CACHD1: variants seen among roughly 807,000 people sequenced by gnomAD.
The protein encoded by CACHD1 is cache domain containing 1.
CACHD1 carries 71 observed loss-of-function variants against 138.7 expected under a neutral mutation model. The ratio of observed to expected loss-of-function variants is 0.51; its 90% CI spans 0.42 to 0.62. The LOEUF is 0.62. CACHD1 is among the 20% of genes least tolerant of loss of function. The pLI is 0.00. For synonymous variants in CACHD1, 578 were observed against 591.5 expected (o/e 0.98, Z 0.33); for missense variants, 1,389 against 1,625.3 (o/e 0.85, Z 2.50).
chr1:64,597,715 G>A (rs887978850), intron 3 of CACHD1, among the ~76,000 whole-genome samples: 2 of 151,730 alleles, frequency 1.3e-5, no homozygotes, highest in East Asian at 3.9e-4. Flanking sequence ...AAAAGCACAG[G>A]CATGAGGAAT....
At chr1:64,650,445 A>C (rs574493253) in intron 9 of CACHD1, among the ~76,000 whole-genome samples, 1 of 152,164 alleles carries the variant, frequency 6.6e-6, no homozygotes, top group South Asian at 2.1e-4. Flanking sequence ...CCTTCTCCAA[A>C]ATGCATTTCT....
chr1:64,634,716 G>C (rs184107314), intron 7 of CACHD1, among the ~76,000 whole-genome samples: 11 of 151,960 alleles, frequency 7.2e-5, no homozygotes, highest in Non-Finnish European at 1.6e-4. Context: ...GATTGGGGGC[G>C]AGGTGCGGTG....
chr1:64,663,971 T>C, intron 14 of CACHD1, 134 bp downstream of exon 14: 1 of 1,186,588 alleles, frequency 8.4e-7, no homozygotes, highest in Non-Finnish European at 1.2e-6. Flanking sequence ...GCAGAGTGTG[T>C]GGCCCAGGGG....
At chr1:64,511,061 C>T (rs1646416892) in intron 1 of CACHD1, among the ~76,000 whole-genome samples, 1 of 152,150 alleles carries the variant, frequency 6.6e-6, no homozygotes, top group East Asian at 1.9e-4. Flanking sequence ...CCTTTTAGAT[C>T]ATAGATATTT....
intron 1 of CACHD1, among the ~76,000 whole-genome samples, chr1:64,486,821 G>A (rs1646245984): frequency 6.6e-6 from 1 of 152,186 alleles, no homozygotes; most frequent in African/African-American, 2.4e-5. Context: ...TCTTATAAGA[G>A]GGAGATAAAT....
At chr1:64,517,065 A>G (rs1300614080) in intron 1 of CACHD1, among the ~76,000 whole-genome samples, 4 of 152,220 alleles carry the variant, frequency 2.6e-5, no homozygotes, top group Non-Finnish European at 5.9e-5. Context: ...GATGACATGA[A>G]GCGGGGAAAG....
At chr1:64,493,982 C>T (rs969411938) in intron 1 of CACHD1, among the ~76,000 whole-genome samples, 1 of 152,160 alleles carries the variant, frequency 6.6e-6, no homozygotes, top group Admixed American at 6.5e-5. Context: ...TCTCTGTCAC[C>T]GAATGGCAGA....
chr1:64,578,226 C>T (rs928318326), intron 2 of CACHD1, among the ~76,000 whole-genome samples: 2 of 152,204 alleles, frequency 1.3e-5, no homozygotes, highest in African/African-American at 4.8e-5. Context: ...ATGGCTCTTC[C>T]ACTTACTTTG....
rs1381499147 is a variant in CACHD1, at chr1:64,678,301, G to A, written c.3235G>A (p.Gly1079Arg). ...GAKSPYVDDM[G>R]AIGDEVITLN... is the part of the protein sequence containing the mutation. ...CAAAAGTCCCTACGTTGATGACATG[G>A]GAGCAATAGGTATGTTTGTTAGATG... The change falls in exon 23 of 27, where the codon GGA (glycine) becomes AGA (arginine). Residue 1079 changes from glycine to arginine, a missense_variant. By Grantham distance (125) the Gly-to-Arg change is moderately radical. Coordinates refer to ENST00000651257, the MANE Select transcript of CACHD1 (RefSeq NM_020925.4). 1.3e-6 allele frequency: 2 copies of A among 1,572,316 alleles called. No individual in the cohort carries two copies. The highest frequency in any genetic ancestry group is 1.7e-6 in the Non-Finnish European group (2 of 1,164,366).
At chr1:64,645,078 T>C (rs890897543) in intron 8 of CACHD1, among the ~76,000 whole-genome samples, 8 of 152,162 alleles carry the variant, frequency 5.3e-5, no homozygotes, top group African/African-American at 1.2e-4. Context: ...GCCTGGGCAA[T>C]AGAGTGATAC....
rs1650612379 is a variant in CACHD1, at chr1:64,693,005, A to G, written c.*1444A>G. The G allele has an allele frequency of 6.5e-6, 1 of 152,790 alleles. No individual in the cohort carries two copies. The highest frequency in any genetic ancestry group is 2.4e-5 in the African/African-American group (1 of 41,586). 9.5% of individuals were successfully genotyped at this position (152,790 alleles called of 1,614,324 possible). On this transcript the variant is annotated 3_prime_UTR_variant, in exon 27 of 27. Coordinates refer to ENST00000651257, the MANE Select transcript of CACHD1 (RefSeq NM_020925.4). Reference sequence around the variant, plus strand: ...ATATGTGCTATCAGGAAACCCCTTCATACTGTGTATAAAATTGCAATCTAG... The same window carrying G: ...ATATGTGCTATCAGGAAACCCCTTCGTACTGTGTATAAAATTGCAATCTAG...
intron 4 of CACHD1, among the ~76,000 whole-genome samples, chr1:64,618,542 C>T (rs1284480216): frequency 3.9e-5 from 6 of 152,160 alleles, no homozygotes; most frequent in Non-Finnish European, 8.8e-5. Flanking sequence ...GCTTACCACC[C>T]CTGGAGCAGC....
At chr1:64,550,699 CT>C in intron 2 of CACHD1, 43 bp downstream of exon 2, 1 of 1,350,296 alleles carries the variant, frequency 7.4e-7, no homozygotes, top group Non-Finnish European at 1.1e-6. Flanking sequence ...CTTTGTCTTG[CT>C]TTTAGATGTG....
chr1:64,679,910 A>G (rs565071000), intron 24 of CACHD1, among the ~76,000 whole-genome samples, 154 bp downstream of exon 24: 29 of 152,328 alleles, frequency 1.9e-4, no homozygotes, highest in Admixed American at 9.1e-4. Context: ...TTTCTTCTTC[A>G]GTGCCTAAAC....
intron 2 of CACHD1, among the ~76,000 whole-genome samples, chr1:64,581,832 C>T (rs1457512281): frequency 6.6e-6 from 1 of 152,224 alleles, no homozygotes; most frequent in African/African-American, 2.4e-5. Context: ...TGCCCACTGT[C>T]ATGCTGACAA....
At chr1:64,568,914 G>GT (rs1288972870) in intron 2 of CACHD1, among the ~76,000 whole-genome samples, 1 of 151,892 alleles carries the variant, frequency 6.6e-6, no homozygotes, top group Non-Finnish European at 1.5e-5. Context: ...CAGTTTTTTG[G>GT]TTTTTTTGTT....
chr1:64,565,917 C>T (rs928651493), intron 2 of CACHD1, among the ~76,000 whole-genome samples: 25 of 152,028 alleles, frequency 1.6e-4, no homozygotes, highest in Non-Finnish European at 4.4e-5. Flanking sequence ...TTGTACTGGC[C>T]GTGATAATAA....
intron 11 of CACHD1, 147 bp from the exon 12 acceptor site, chr1:64,654,539 T>A (rs1417690232): frequency 3.2e-6 from 2 of 626,222 alleles, no homozygotes; most frequent in East Asian, 5.3e-5. Flanking sequence ...CAATTGAAAA[T>A]CTCACATTAT....
At chr1:64,605,968 G>A (rs373541585) in intron 4 of CACHD1, among the ~76,000 whole-genome samples, 1 of 152,050 alleles carries the variant, frequency 6.6e-6, no homozygotes, top group African/African-American at 2.4e-5. Context: ...GGCCTCTCTA[G>A]TATATGGCCA....
Sources: allele counts gnomAD v4.1 joint callset (sites outside exome capture counted in the v4.1 genomes callset), GRCh38; gene constraint gnomAD v4.1.1; transcripts MANE v1.5; gene names NCBI Gene and HGNC (gene_info 2026-07-23, HGNC 2026-07-21).